The following PNPLA1 variants were observed in gnomAD, a reference collection of about 807,000 sequenced individuals.
PNPLA1 encodes the protein patatin like domain 1, omega-hydroxyceramide transacylase.
Under a neutral mutation model 51.7 loss-of-function variants are expected in PNPLA1, and 36 were observed. That is an observed-to-expected ratio of 0.70 (90% confidence interval 0.53 to 0.92). PNPLA1 has a LOEUF of 0.92. Among genes scored for constraint, PNPLA1 ranks in the 40% least tolerant of loss-of-function variants. The probability of loss-of-function intolerance (pLI) is 0.00; values close to 1 mark genes in which losing one functional copy is unlikely to be tolerated. For missense variants in PNPLA1, 658 were observed against 682.5 expected (o/e 0.96, Z 0.40); for synonymous variants, 293 against 280.1 (o/e 1.05, Z -0.46).
chr6:36,286,919 C>T (rs1335764429), intron 1 of PNPLA1, among the ~76,000 whole-genome samples: 2 of 151,906 alleles, frequency 1.3e-5, no homozygotes, highest in African/African-American at 4.8e-5. Flanking sequence ...CTCCCGGGCT[C>T]AAGCGATCCT....
intron 8 of PNPLA1, chr6:36,308,690 C>T (rs116126682): frequency 8.5e-4 from 129 of 152,316 alleles, no homozygotes; most frequent in African/African-American, 2.9e-3. Flanking sequence ...CCCACCTAAA[C>T]CAAGTTTTAA....
chr6:36,285,308 C>T (rs1472284216), intron 1 of PNPLA1, among the ~76,000 whole-genome samples: 1 of 152,202 alleles, frequency 6.6e-6, no homozygotes, highest in African/African-American at 2.4e-5. Flanking sequence ...GCCGGCGGCG[C>T]CGCCGCCTCG....
chr6:36,285,769 C>A (rs374472763), intron 1 of PNPLA1, among the ~76,000 whole-genome samples: 10 of 152,254 alleles, frequency 6.6e-5, no homozygotes, highest in African/African-American at 2.2e-4. Flanking sequence ...TCCACCTAAA[C>A]AAATAAAATA....
chr6:36,259,628 A>G (rs1043037530), intron 1 of PNPLA1, among the ~76,000 whole-genome samples: 14 of 152,152 alleles, frequency 9.2e-5, no homozygotes, highest in African/African-American at 3.4e-4. Flanking sequence ...AGAACCTAAT[A>G]AGAATGAACA....
In PNPLA1 at chr6:36,294,415, G is replaced by T; in HGVS notation, c.714+16G>T. 1 of 1,609,766 alleles carries T rather than the reference G, an allele frequency of 6.2e-7. No homozygotes were observed. Among genetic ancestry groups the T allele is most frequent in the African/African-American group, 1.3e-5 (1 of 74,914 alleles). On this transcript the variant is annotated intron_variant, in intron 4 of 8. Coordinates refer to ENST00000636260, the MANE Select transcript of PNPLA1 (RefSeq NM_001374623.1). This position sits in a 1 kb window ranked among gnomAD's most constrained non-coding sequence, Gnocchi z 4.2. Reference sequence around the variant, plus strand: ...GGACCTGGTGGTGAGAGGCAGGAGGGGTCTGGGGAGTAGCAGAAGGTACCA... The same window carrying T: ...GGACCTGGTGGTGAGAGGCAGGAGGTGTCTGGGGAGTAGCAGAAGGTACCA...
rs549287439 is a variant in PNPLA1, at chr6:36,296,246, A to C, written c.775+822A>C. Among the ~76,000 whole-genome samples the C allele has an allele frequency of 3.3e-4, 50 of 152,284 alleles. 1 individual carries two copies. In the East Asian group the frequency reaches 9.4e-3, roughly 29 times the overall value. On this transcript the variant is annotated intron_variant, in intron 5 of 8. Transcript: ENST00000636260. ...AGCCATGACTGCACCACTGTACTCTACTCTGGGCAACAGAGTGAGACCCTG... is the reference window on the plus strand; with the variant it reads ...AGCCATGACTGCACCACTGTACTCTCCTCTGGGCAACAGAGTGAGACCCTG...
chr6:36,291,674 C>A (rs1770689737), intron 2 of PNPLA1, 122 bp downstream of exon 2: 1 of 804,330 alleles, frequency 1.2e-6, no homozygotes, highest in East Asian at 2.7e-5. Flanking sequence ...TCCTTCCCTT[C>A]CTTCATGCCC....
chr6:36,293,708 C>T (rs900965491), intron 3 of PNPLA1, among the ~76,000 whole-genome samples: 11 of 152,160 alleles, frequency 7.2e-5, no homozygotes, highest in African/African-American at 2.7e-4. Flanking sequence ...GACTAGGATT[C>T]AGGTAGTAGA....
intron 1 of PNPLA1, 126 bp from the exon 2 acceptor site, chr6:36,291,194 C>T: frequency 2.8e-6 from 2 of 702,060 alleles, no homozygotes; most frequent in Non-Finnish European, 4.8e-6. Flanking sequence ...GTTTTCCCAG[C>T]TTCCGAATTC....
At chr6:36,310,199 G>C (rs1771357689) in intron 8 of PNPLA1, among the ~76,000 whole-genome samples, 1 of 152,160 alleles carries the variant, frequency 6.6e-6, no homozygotes, top group African/African-American at 2.4e-5. Flanking sequence ...GCTCTATTTA[G>C]GCTGCAGGCT....
chr6:36,273,421 C>T lies in PNPLA1; in HGVS notation c.205+2757C>T, dbSNP rs941620570. ...CTTCCTTGAATGCAGCCATTAATGG[C>T]TCTTCCCCACTGAACTCCAGGCCTT... On this transcript the variant is annotated intron_variant, in intron 1 of 8. Coordinates refer to ENST00000636260, the MANE Select transcript of PNPLA1 (RefSeq NM_001374623.1). Among the ~76,000 whole-genome samples the T allele has an allele frequency of 7.7e-4, 117 of 151,992 alleles. 1 individual carries two copies. The highest frequency in any genetic ancestry group is 2.6e-3 in the African/African-American group (109 of 41,366).
intron 6 of PNPLA1, among the ~76,000 whole-genome samples, chr6:36,306,022 C>T (rs764128867): frequency 6.6e-6 from 1 of 151,992 alleles, no homozygotes; most frequent in Non-Finnish European, 1.5e-5. Flanking sequence ...CCCAAAGCGC[C>T]GGGATTACAG....
chr6:36,273,331 ACTC>A (rs1303222487), intron 1 of PNPLA1, among the ~76,000 whole-genome samples: 1 of 151,490 alleles, frequency 6.6e-6, no homozygotes, highest in Non-Finnish European at 1.5e-5. Context: ...CTAATCCCCC[ACTC>A]CCTCCTCTAG....
At chr6:36,266,552 C>T (rs186114214), upstream of PNPLA1, among the ~76,000 whole-genome samples, 1 of 152,282 alleles carries the variant, frequency 6.6e-6, no homozygotes, top group African/African-American at 2.4e-5. Context: ...CCTGTTACTT[C>T]TCATTGTCCA....
chr6:36,269,345 A>C (rs1769839001), upstream of PNPLA1, among the ~76,000 whole-genome samples: 2 of 152,138 alleles, frequency 1.3e-5, no homozygotes, highest in Non-Finnish European at 2.9e-5. Flanking sequence ...CATCAGGACC[A>C]CATGATACAG....
At chr6:36,280,299 G>GT (rs375165710) in intron 1 of PNPLA1, among the ~76,000 whole-genome samples, 93 of 152,280 alleles carry the variant, frequency 6.1e-4, no homozygotes, top group African/African-American at 2.1e-3. Flanking sequence ...CAAGGACTTG[G>GT]TTTTTTTGCA....
intron 1 of PNPLA1, among the ~76,000 whole-genome samples, chr6:36,277,435 G>C (rs1460608033): frequency 3.9e-5 from 6 of 152,222 alleles, no homozygotes; most frequent in Non-Finnish European, 7.3e-5. Context: ...AAAAATTGGA[G>C]GTTCGATTAC....
rs574185289 is a variant in PNPLA1 at position 36,297,666 on chromosome 6, C to T, written c.775+2242C>T. Reference sequence around the variant, plus strand: ...GGCCTTCTGCCAAAGGGAATGGCAGCGCAGGCTGGCGTGCTTGAAAATCCG... The same window carrying T: ...GGCCTTCTGCCAAAGGGAATGGCAGTGCAGGCTGGCGTGCTTGAAAATCCG... On this transcript the variant is annotated intron_variant, in intron 5 of 8. Transcript: ENST00000636260. Among the ~76,000 whole-genome samples, 39 of 152,380 alleles carry T rather than the reference C, an allele frequency of 2.6e-4. 1 individual carries two copies. The highest frequency in any genetic ancestry group is 6.8e-3 in the Middle Eastern group (2 of 294).
chr6:36,257,046 A>C (rs557394835), intron 1 of PNPLA1, among the ~76,000 whole-genome samples: 1 of 152,138 alleles, frequency 6.6e-6, no homozygotes, highest in Non-Finnish European at 1.5e-5. Flanking sequence ...TGTGGTGTCA[A>C]CTCTAGTCTT....
Sources: allele counts gnomAD v4.1 joint callset (sites outside exome capture counted in the v4.1 genomes callset), GRCh38; gene constraint gnomAD v4.1.1; non-coding constraint Gnocchi (gnomAD v3.1); transcripts MANE v1.5; gene names NCBI Gene and HGNC (gene_info 2026-07-23, HGNC 2026-07-21).